The following GALNTL6 variants were observed in gnomAD, a reference collection of about 807,000 sequenced individuals.
GALNTL6 encodes the protein polypeptide N-acetylgalactosaminyltransferase like 6.
In GALNTL6, 46 loss-of-function variants were observed where a neutral mutation model predicts 73.7. That is an observed-to-expected ratio of 0.62 (90% CI 0.49 to 0.80). The LOEUF (loss-of-function observed/expected upper bound fraction) is 0.80. Among genes scored for constraint, GALNTL6 ranks in the 30% least tolerant of loss-of-function variants. The pLI is 0.00. For synonymous variants in GALNTL6, 259 were observed against 263.7 expected (o/e 0.98, Z 0.17); for missense variants, 604 against 755.0 (o/e 0.80, Z 2.34).
chr4:171,835,045 C>T (rs1278402684), intron 2 of GALNTL6, among the ~76,000 whole-genome samples: 1 of 151,976 alleles, frequency 6.6e-6, no homozygotes, highest in African/African-American at 2.4e-5. Context: ...AGAACATTCT[C>T]CATGTTCTTC....
intron 3 of GALNTL6, among the ~76,000 whole-genome samples, chr4:172,268,422 C>G (rs1367940011): frequency 6.6e-6 from 1 of 152,190 alleles, no homozygotes; most frequent in Non-Finnish European, 1.5e-5. Flanking sequence ...GATAATCCTT[C>G]AGTGTCGTCA....
chr4:172,249,232 G>C (rs552211415), intron 3 of GALNTL6, among the ~76,000 whole-genome samples: 4 of 152,290 alleles, frequency 2.6e-5, no homozygotes, highest in East Asian at 1.9e-4. Flanking sequence ...CTGGAGTAAG[G>C]TCACTCTTGC....
At chr4:172,056,712 T>C (rs561765460) in intron 2 of GALNTL6, among the ~76,000 whole-genome samples, 1 of 151,906 alleles carries the variant, frequency 6.6e-6, no homozygotes, top group African/African-American at 2.4e-5. Context: ...ATAAATAAAA[T>C]AAGCATTTTG....
intron 2 of GALNTL6, among the ~76,000 whole-genome samples, chr4:172,103,867 A>G (rs941635980): frequency 6.6e-6 from 1 of 152,170 alleles, no homozygotes; most frequent in Non-Finnish European, 1.5e-5. Flanking sequence ...TTGGGCCTCC[A>G]TAGTCCAGTT....
At chr4:172,219,199 G>GTGTATATATATATATATA (rs1310041553) in intron 2 of GALNTL6, among the ~76,000 whole-genome samples, 4 of 116,206 alleles carry the variant, frequency 3.4e-5, no homozygotes, top group African/African-American at 1.3e-4. Flanking sequence ...TTAAGCAAGT[G>GTGTATATATATATATATA]TATATATATA....
At chr4:172,844,776 A>G (rs1210691071) in intron 7 of GALNTL6, among the ~76,000 whole-genome samples, 1 of 152,234 alleles carries the variant, frequency 6.6e-6, no homozygotes, top group African/African-American at 2.4e-5. Context: ...GCATTGCATA[A>G]GCAGCTCATT....
chr4:172,473,656 G>A (rs1264475404), intron 5 of GALNTL6, among the ~76,000 whole-genome samples: 2 of 152,144 alleles, frequency 1.3e-5, no homozygotes, highest in Non-Finnish European at 2.9e-5. Context: ...TTCCTCCTAT[G>A]TCTGTAGTTG....
intron 5 of GALNTL6, among the ~76,000 whole-genome samples, chr4:172,648,116 G>T (rs1432684693): frequency 6.6e-6 from 1 of 152,104 alleles, no homozygotes; most frequent in Non-Finnish European, 1.5e-5. Context: ...ACTAGGGATT[G>T]GTTGACCTTT....
chr4:173,010,448 A>G lies in GALNTL6; in HGVS notation c.1488+1154A>G, dbSNP rs1169944147. Among the ~76,000 whole-genome samples the G allele has an allele frequency of 2.0e-5, 3 of 152,252 alleles. No homozygotes were observed. The South Asian group carries it at 6.2e-4, about 32-fold the overall frequency. On this transcript the variant is annotated intron_variant, in intron 11 of 12. Coordinates refer to ENST00000506823, the MANE Select transcript of GALNTL6 (RefSeq NM_001034845.3). ...CTTAGGTTGCCTCCAAATTTTGGCC[A>G]TTGTGAACAGTGCTGCATCAAACAT...
At chr4:172,810,255 T>C (rs912388695) in intron 6 of GALNTL6, among the ~76,000 whole-genome samples, 1 of 152,196 alleles carries the variant, frequency 6.6e-6, no homozygotes, top group Non-Finnish European at 1.5e-5. Context: ...ACGAAAGAAC[T>C]GAAAGTAATT....
intron 2 of GALNTL6, among the ~76,000 whole-genome samples, chr4:172,207,075 C>A (rs1736162763): frequency 6.6e-6 from 1 of 151,632 alleles, no homozygotes; most frequent in Admixed American, 6.6e-5. Context: ...CCTTGGCCTC[C>A]CAAAGTGCTG....
intron 8 of GALNTL6, among the ~76,000 whole-genome samples, chr4:172,920,920 A>G (rs901218700): frequency 7.9e-5 from 12 of 152,234 alleles, no homozygotes; most frequent in African/African-American, 2.9e-4. Flanking sequence ...AATAAGTGAG[A>G]TATCTACTGA....
At chr4:172,376,054 G>A (rs1325277754) in intron 5 of GALNTL6, among the ~76,000 whole-genome samples, 1 of 152,174 alleles carries the variant, frequency 6.6e-6, no homozygotes, top group Non-Finnish European at 1.5e-5. Context: ...AGGCCTGCTT[G>A]TCTGAGGAGG....
intron 2 of GALNTL6, among the ~76,000 whole-genome samples, chr4:172,143,028 G>T (rs1406412970): frequency 1.1e-4 from 16 of 151,960 alleles, no homozygotes; most frequent in Non-Finnish European, 2.2e-4. Context: ...CAGATAGATA[G>T]ATAATGTCAA....
chr4:172,766,772 A>C (rs1052078667), intron 5 of GALNTL6, among the ~76,000 whole-genome samples: 1 of 152,220 alleles, frequency 6.6e-6, no homozygotes, highest in African/African-American at 2.4e-5. Context: ...TCATCCAAGG[A>C]TCAGGTTACA....
intron 7 of GALNTL6, among the ~76,000 whole-genome samples, chr4:172,827,601 C>G (rs1277862912): frequency 6.6e-6 from 1 of 152,214 alleles, no homozygotes; most frequent in Non-Finnish European, 1.5e-5. Flanking sequence ...AACCTCCCAA[C>G]TTTGATTTGT....
intron 2 of GALNTL6, among the ~76,000 whole-genome samples, chr4:171,878,071 G>C (rs1736329289): frequency 6.6e-6 from 1 of 152,132 alleles, no homozygotes; most frequent in African/African-American, 2.4e-5. Flanking sequence ...TATAATTCTA[G>C]ACTTCTGTTC....
intron 5 of GALNTL6, among the ~76,000 whole-genome samples, chr4:172,456,634 T>A (rs192695216): frequency 5.3e-5 from 8 of 151,542 alleles, no homozygotes; most frequent in African/African-American, 1.9e-4. Context: ...AAATAAAGCG[T>A]GAAGACAAGA....
intron 5 of GALNTL6, among the ~76,000 whole-genome samples, chr4:172,638,778 G>A (rs1437647252): frequency 1.3e-5 from 2 of 151,956 alleles, no homozygotes; most frequent in African/African-American, 4.8e-5. Context: ...TTTTACTATG[G>A]AATTTAATCT....
Sources: gnomAD v4.1 joint callset for allele counts (sites outside exome capture counted in the v4.1 genomes callset) on GRCh38, gnomAD v4.1.1 for gene constraint, MANE v1.5 for transcripts, NCBI Gene and HGNC (gene_info 2026-07-23, HGNC 2026-07-21) for gene names.